The following PLEKHM3 variants were observed in gnomAD, a reference collection of about 807,000 sequenced individuals.
PLEKHM3 encodes the protein pleckstrin homology domain-containing family M member 3.
PLEKHM3 carries 45 observed loss-of-function variants against 81.8 expected under a neutral mutation model. The observed-to-expected ratio is 0.55, with a 90% CI of 0.43 to 0.71. The LOEUF (loss-of-function observed/expected upper bound fraction) is 0.71, where lower values mean the gene tolerates loss of function less well. Ranked by LOEUF, PLEKHM3 falls within the 30% of genes least tolerant of loss-of-function variation. The pLI is 0.00. For missense variants in PLEKHM3, 788 were observed against 924.3 expected (o/e 0.85, Z 1.91); for synonymous variants, 352 against 356.4 (o/e 0.99, Z 0.14).
At chr2:207,868,603 A>T (rs2092515488) in intron 6 of PLEKHM3, 1 of 152,248 alleles carries the variant, frequency 6.6e-6, no homozygotes, top group Non-Finnish European at 1.5e-5. Flanking sequence ...GAAGGATCAG[A>T]TTTAATACAT....
chr2:207,847,991 GT>G (rs1164987483), intron 7 of PLEKHM3, among the ~76,000 whole-genome samples: 1 of 152,206 alleles, frequency 6.6e-6, no homozygotes, highest in Non-Finnish European at 1.5e-5. Context: ...CCCTGACAGT[GT>G]TTGTTTTGGA....
chr2:207,925,128 G>T (rs1689345377), intron 5 of PLEKHM3, among the ~76,000 whole-genome samples: 2 of 149,994 alleles, frequency 1.3e-5, no homozygotes, highest in African/African-American at 4.9e-5. Flanking sequence ...GTATGAACAG[G>T]GTTGTTTTTT....
chr2:207,956,998 G>A (rs752427433), intron 3 of PLEKHM3, among the ~76,000 whole-genome samples: 1 of 152,016 alleles, frequency 6.6e-6, no homozygotes, highest in African/African-American at 2.4e-5. Flanking sequence ...GAAAGAGAAG[G>A]AGATAGCATG....
chr2:207,988,378 T>A (rs1691794064), intron 2 of PLEKHM3, among the ~76,000 whole-genome samples: 1 of 152,192 alleles, frequency 6.6e-6, no homozygotes, highest in Non-Finnish European at 1.5e-5. Context: ...AGTTTCCTCA[T>A]CTTTAAAGTG....
chr2:207,999,357 G>A (rs907144656), intron 2 of PLEKHM3, among the ~76,000 whole-genome samples: 5 of 151,342 alleles, frequency 3.3e-5, no homozygotes, highest in Admixed American at 2.6e-4. Context: ...GCTCATGCCT[G>A]TAATCCCAGC....
chr2:207,847,586 C>T (rs2092391014), intron 7 of PLEKHM3, among the ~76,000 whole-genome samples: 2 of 152,188 alleles, frequency 1.3e-5, no homozygotes, highest in South Asian at 4.1e-4. Flanking sequence ...TCCCTTCTAT[C>T]TCTATTAGTT....
intron 5 of PLEKHM3, among the ~76,000 whole-genome samples, chr2:207,921,780 C>T (rs1290992070): frequency 6.6e-6 from 1 of 152,202 alleles, no homozygotes; most frequent in Non-Finnish European, 1.5e-5. Context: ...CTGTGCTTGG[C>T]TTATTCACTT....
At chr2:207,833,671 AC>A (rs2092301469) in intron 7 of PLEKHM3, among the ~76,000 whole-genome samples, 1 of 151,764 alleles carries the variant, frequency 6.6e-6, no homozygotes. Context: ...TAGCCATGTC[AC>A]CCCCTCCTCC....
chr2:207,948,610 T>C (rs6749312), intron 3 of PLEKHM3, among the ~76,000 whole-genome samples: 56,401 of 149,148 alleles, frequency 0.38, 11,266 homozygotes, highest in African/African-American at 0.5. Flanking sequence ...GTGGCGCGAT[T>C]TCGGCTCGCT....
chr2:207,873,262 G>A (rs180765235), intron 6 of PLEKHM3, among the ~76,000 whole-genome samples: 1 of 152,158 alleles, frequency 6.6e-6, no homozygotes, highest in Non-Finnish European at 1.5e-5. Context: ...AGCTGATTGA[G>A]ATCTGAAATG....
At chr2:207,953,792 C>T (rs1194466935) in intron 3 of PLEKHM3, among the ~76,000 whole-genome samples, 1 of 150,744 alleles carries the variant, frequency 6.6e-6, no homozygotes, top group Non-Finnish European at 1.5e-5. Flanking sequence ...CCACTGTACT[C>T]CAGCCTGGGC....
chr2:207,977,251 C>T lies in PLEKHM3; in HGVS notation c.946G>A (p.Gly316Arg). Residue 316 changes from glycine to arginine, a missense_variant, in exon 3 of 8, where the codon GGG becomes AGG. Physicochemically the swap from Gly to Arg is moderately radical, Grantham distance 125. Transcript: ENST00000427836. The part of the protein sequence containing the change: ...VVHAAVPGYM[G>R]RQNELTISPG... ...GAGATTGTCAGCTCATTCTGCCGCC[C>T]CATGTAACCGGGCACAGCAGCATGC... 6.2e-7 allele frequency: 1 copy of T among 1,614,154 alleles called. No individual in the cohort carries two copies. The highest frequency in any genetic ancestry group is 1.7e-5 in the Admixed American group (1 of 60,018).
intron 2 of PLEKHM3, among the ~76,000 whole-genome samples, chr2:208,000,358 G>T (rs1313670994): frequency 6.6e-6 from 1 of 152,214 alleles, no homozygotes; most frequent in African/African-American, 2.4e-5. Flanking sequence ...CCTTCCAGAT[G>T]TAGTTCAAGT....
At chr2:207,930,687 GA>G (rs1689561095) in intron 5 of PLEKHM3, among the ~76,000 whole-genome samples, 1 of 152,180 alleles carries the variant, frequency 6.6e-6, no homozygotes, top group Admixed American at 6.5e-5. Context: ...ATCCATGGGT[GA>G]AAGCCTTCAG....
At chr2:208,021,276 G>A (rs1693121715) in intron 1 of PLEKHM3, among the ~76,000 whole-genome samples, 1 of 152,102 alleles carries the variant, frequency 6.6e-6, no homozygotes, top group Non-Finnish European at 1.5e-5. Flanking sequence ...ATTAACCTGG[G>A]TCCATAGCCC....
intron 7 of PLEKHM3, among the ~76,000 whole-genome samples, chr2:207,850,468 G>T (rs1180036498): frequency 6.6e-6 from 1 of 152,236 alleles, no homozygotes; most frequent in African/African-American, 2.4e-5. Flanking sequence ...AAATGGACAG[G>T]ACAGAAATGA....
chr2:207,947,990 T>C (rs1409904437), intron 3 of PLEKHM3, among the ~76,000 whole-genome samples: 1 of 152,168 alleles, frequency 6.6e-6, no homozygotes, highest in Non-Finnish European at 1.5e-5. Flanking sequence ...ACATGAGAAA[T>C]GGGAAGAAGA....
intron 2 of PLEKHM3, among the ~76,000 whole-genome samples, chr2:207,984,183 CTT>C (rs924917485): frequency 2.0e-5 from 3 of 152,186 alleles, no homozygotes; most frequent in Admixed American, 2.0e-4. Context: ...CTCTCCAACT[CTT>C]GTTTTTTATT....
chr2:207,977,429 C>A lies in PLEKHM3; in HGVS notation c.768G>T (p.Thr256=), dbSNP rs117434862. 6.2e-7 allele frequency: 1 copy of A among 1,613,996 alleles called. No homozygotes were observed. Among genetic ancestry groups the A allele is most frequent in the Non-Finnish European group, 8.5e-7 (1 of 1,180,034 alleles). Residue 256 remains threonine, a synonymous_variant, in exon 3 of 8, where the codon ACG becomes ACT. Coordinates refer to ENST00000427836, the MANE Select transcript of PLEKHM3 (RefSeq NM_001080475.3). ...TGCTCTGGAAGTGTGAAAGCTGGTA[C>A]GTGGCATAAAGGTTTTGATTCCCAC... ...DSSGNQNLYA[T]YQLSHFQSIS...
Sources: gnomAD v4.1 joint callset for allele counts (sites outside exome capture counted in the v4.1 genomes callset) on GRCh38, gnomAD v4.1.1 for gene constraint, MANE v1.5 for transcripts, NCBI Gene and HGNC (gene_info 2026-07-23, HGNC 2026-07-21) for gene names.